Variants in RGS6 observed in about 807,000 individuals in gnomAD.
The protein encoded by RGS6 is regulator of G-protein signaling 6.
Under a neutral mutation model 78.5 loss-of-function variants are expected in RGS6, and 30 were observed. The ratio of observed to expected loss-of-function variants is 0.38; its 90% CI spans 0.29 to 0.52. The LOEUF (loss-of-function observed/expected upper bound fraction) is 0.52, where lower values mean the gene tolerates loss of function less well. Ranked by LOEUF, RGS6 falls within the 20% of genes least tolerant of loss-of-function variation. The pLI, the probability that RGS6 is intolerant of heterozygous loss-of-function variation, is 0.85. For synonymous variants in RGS6, 206 were observed against 206.0 expected (o/e 1.00, Z 0.00); for missense variants, 495 against 609.7 (o/e 0.81, Z 1.98).
the RGS6 span, among the ~76,000 whole-genome samples, chr14:72,615,452 C>T: frequency 2.0e-5 from 3 of 152,330 alleles, no homozygotes; most frequent in Admixed American, 2.0e-4. Flanking sequence ...TGAAAGGAAG[C>T]GGGCTGTATT....
rs562072295 is a variant in RGS6 at position 72,355,205 on chromosome 14, T to TG, written c.184+3011_184+3012insG. ...TTAAAATTTCCTCTGGTTCTTTTTT[T>TG]TTTTTTAGACAGAGTCTTGCTCTTG... On this transcript the variant is annotated intron_variant, in intron 3 of 17. Transcript: ENST00000553525. Among the ~76,000 whole-genome samples, 20 of 152,096 alleles carry TG rather than the reference T, an allele frequency of 1.3e-4. No homozygotes were observed. The East Asian group carries it at 2.9e-3, about 22-fold the overall frequency.
intron 2 of RGS6, among the ~76,000 whole-genome samples, chr14:72,101,507 A>G (rs1435519930): frequency 1.3e-5 from 2 of 152,242 alleles, no homozygotes; most frequent in African/African-American, 2.4e-5. Context: ...ACATACAACC[A>G]TCAGTGTCTG....
At chr14:71,999,057 C>T (rs886373385) in intron 2 of RGS6, among the ~76,000 whole-genome samples, 4 of 89,166 alleles carry the variant, frequency 4.5e-5, no homozygotes, top group African/African-American at 1.4e-4. Flanking sequence ...AGTGTGAGAC[C>T]CTATCTCTAA....
intron 2 of RGS6, among the ~76,000 whole-genome samples, chr14:72,273,383 T>C (rs2060226557): frequency 6.6e-6 from 1 of 152,158 alleles, no homozygotes; most frequent in Admixed American, 6.5e-5. Context: ...TCTTCTTTCA[T>C]TTTTTTCCCT....
chr14:72,426,715 T>C (rs2094447766), intron 3 of RGS6, among the ~76,000 whole-genome samples: 1 of 152,252 alleles, frequency 6.6e-6, no homozygotes, highest in Non-Finnish European at 1.5e-5. Flanking sequence ...TATGATTTGA[T>C]GAAGTCTCTC....
intron 2 of RGS6, among the ~76,000 whole-genome samples, chr14:72,347,868 T>C (rs1191539949): frequency 2.0e-5 from 3 of 152,156 alleles, no homozygotes; most frequent in African/African-American, 7.2e-5. Context: ...AAGGAAGAAA[T>C]GAATTGAAAA....
At chr14:72,346,804 G>A (rs1032393783) in intron 2 of RGS6, among the ~76,000 whole-genome samples, 5 of 152,146 alleles carry the variant, frequency 3.3e-5, no homozygotes, top group South Asian at 2.1e-4. Flanking sequence ...GCCCCTCTGC[G>A]GCTTCCATTT....
chr14:71,915,062 A>G, the RGS6 span, among the ~76,000 whole-genome samples: 1 of 151,560 alleles, frequency 6.6e-6, no homozygotes, highest in African/African-American at 2.4e-5. Flanking sequence ...AGCCTGGCCA[A>G]CATGGTGAAA....
At chr14:71,989,879 A>G (rs565636044) in intron 2 of RGS6, among the ~76,000 whole-genome samples, 198 of 151,542 alleles carry the variant, frequency 1.3e-3, no homozygotes, top group Non-Finnish European at 1.9e-4. Context: ...TCTCTTTCCT[A>G]TTACCACATC....
intron 2 of RGS6, among the ~76,000 whole-genome samples, chr14:72,150,323 A>G (rs566611879): frequency 1.3e-5 from 2 of 152,286 alleles, no homozygotes; most frequent in South Asian, 4.2e-4. Context: ...TAGAGCCTTC[A>G]GAGGGAGCGT....
At chr14:72,323,231 A>G (rs1432817203) in intron 2 of RGS6, among the ~76,000 whole-genome samples, 1 of 152,160 alleles carries the variant, frequency 6.6e-6, no homozygotes, top group Non-Finnish European at 1.5e-5. Context: ...ATCTTTCCAC[A>G]AACAGAAACT....
At chr14:72,349,776 C>A (rs1295120104) in intron 2 of RGS6, among the ~76,000 whole-genome samples, 1 of 152,150 alleles carries the variant, frequency 6.6e-6, no homozygotes, top group African/African-American at 2.4e-5. Context: ...CAGAACCAAT[C>A]CTTCAAATCC....
At chr14:72,309,342 G>T (rs1222498826) in intron 2 of RGS6, among the ~76,000 whole-genome samples, 1 of 152,202 alleles carries the variant, frequency 6.6e-6, no homozygotes, top group Admixed American at 6.5e-5. Flanking sequence ...ATTTGTAATC[G>T]TGGTTGCAAA....
At chr14:72,070,655 C>G (rs1172184821) in intron 2 of RGS6, among the ~76,000 whole-genome samples, 1 of 152,128 alleles carries the variant, frequency 6.6e-6, no homozygotes, top group African/African-American at 2.4e-5. Context: ...TTCTGCTAGC[C>G]CATGTGGCTC....
chr14:72,119,320 C>T (rs752956894), intron 2 of RGS6, among the ~76,000 whole-genome samples: 9 of 152,226 alleles, frequency 5.9e-5, no homozygotes, highest in East Asian at 1.9e-4. Context: ...TTAGGAAGCA[C>T]GTTTTTAAGC....
At chr14:72,233,861 C>T (rs1398824981) in intron 2 of RGS6, among the ~76,000 whole-genome samples, 1 of 152,130 alleles carries the variant, frequency 6.6e-6, no homozygotes, top group African/African-American at 2.4e-5. Context: ...GTTTCGAGAG[C>T]AAGCCATGGC....
intron 2 of RGS6, among the ~76,000 whole-genome samples, chr14:72,249,998 C>T (rs2153836637): frequency 6.7e-6 from 1 of 148,718 alleles, no homozygotes; most frequent in Admixed American, 6.8e-5. Flanking sequence ...GAACAAAAAA[C>T]CAAACACCGC....
chr14:71,975,900 T>G (rs924683559), intron 2 of RGS6, among the ~76,000 whole-genome samples: 2 of 152,216 alleles, frequency 1.3e-5, no homozygotes, highest in Non-Finnish European at 2.9e-5. Flanking sequence ...TCTGTATTTT[T>G]TATTCCTTTG....
chr14:72,279,412 A>G (rs1176279806), intron 2 of RGS6, among the ~76,000 whole-genome samples: 1 of 152,120 alleles, frequency 6.6e-6, no homozygotes, highest in African/African-American at 2.4e-5. Flanking sequence ...CAGATAAGTG[A>G]CGAGGTATGT....
Sources: gnomAD v4.1 joint callset for allele counts (sites outside exome capture counted in the v4.1 genomes callset) on GRCh38, gnomAD v4.1.1 for gene constraint, MANE v1.5 for transcripts, NCBI Gene and HGNC (gene_info 2026-07-23, HGNC 2026-07-21) for gene names.